The following SH3PXD2B variants were observed in gnomAD, a reference collection of about 807,000 sequenced individuals.
SH3PXD2B encodes SH3 and PX domain-containing protein 2B.
In SH3PXD2B, 37 loss-of-function variants were observed where a neutral mutation model predicts 73.1. That is an observed-to-expected ratio of 0.51 (90% CI 0.39 to 0.67). The LOEUF (loss-of-function observed/expected upper bound fraction) is 0.67. SH3PXD2B is among the 30% of genes least tolerant of loss of function. The probability of loss-of-function intolerance (pLI) is 0.00; values close to 1 mark genes in which losing one functional copy is unlikely to be tolerated. For missense variants in SH3PXD2B, 1,053 were observed against 1,197.8 expected, an observed-to-expected ratio of 0.88 and a Z score of 1.78; for synonymous variants, 457 against 480.5, an observed-to-expected ratio of 0.95 and a Z score of 0.64.
At chr5:172,433,601 G>C (rs996932641) in intron 1 of SH3PXD2B, among the ~76,000 whole-genome samples, 3 of 152,170 alleles carry the variant, frequency 2.0e-5, no homozygotes, top group Non-Finnish European at 2.9e-5. Context: ...GCCCCTGCCG[G>C]GTGCCAGCCC....
chr5:172,409,119 C>A (rs970965984), intron 2 of SH3PXD2B, among the ~76,000 whole-genome samples: 1 of 152,160 alleles, frequency 6.6e-6, no homozygotes, highest in Non-Finnish European at 1.5e-5. Flanking sequence ...CGGTGGCTCA[C>A]ACCTGTAACC....
At chr5:172,341,103 C>A (rs539689118) in intron 12 of SH3PXD2B, among the ~76,000 whole-genome samples, 9 of 152,258 alleles carry the variant, frequency 5.9e-5, no homozygotes, top group South Asian at 2.1e-4. Context: ...TTGTCCAGCA[C>A]TGCGTGGCTG....
At chr5:172,367,696 G>A (rs997783093) in intron 6 of SH3PXD2B, among the ~76,000 whole-genome samples, 7 of 152,182 alleles carry the variant, frequency 4.6e-5, no homozygotes, top group Admixed American at 6.6e-5. Context: ...GTCATGTAAC[G>A]AAGCCCCAGA....
At chr5:172,429,062 G>A (rs116724924) in intron 1 of SH3PXD2B, among the ~76,000 whole-genome samples, 3,911 of 152,292 alleles carry the variant, frequency 0.026, 74 homozygotes, top group African/African-American at 0.053. Flanking sequence ...AGTTTCACGC[G>A]AGCAAGGACC....
intron 1 of SH3PXD2B, 129 bp downstream of exon 1, chr5:172,454,149 G>A: frequency 4.8e-6 from 3 of 618,678 alleles, no homozygotes; most frequent in Non-Finnish European, 7.6e-6. Flanking sequence ...CGCCGCCGCA[G>A]AGCCGAGGGG....
intron 12 of SH3PXD2B, among the ~76,000 whole-genome samples, chr5:172,343,936 CCT>C (rs1374868460): frequency 3.9e-5 from 6 of 151,930 alleles, no homozygotes; most frequent in East Asian, 1.9e-4. Context: ...ACCTAACCCC[CCT>C]GAGTCTCATC....
In SH3PXD2B at chr5:172,336,536, G is replaced by A. The variant is rs1320480411; in HGVS notation, c.*1833C>T. The A allele has an allele frequency of 3.0e-6, 3 of 985,922 alleles. No homozygotes were observed. The highest frequency in any genetic ancestry group is 1.2e-6 in the Non-Finnish European group (1 of 830,046). The allele number at this position is 985,922 out of a possible 1,614,324, so 61.1% of individuals were successfully genotyped here. On this transcript the variant is annotated 3_prime_UTR_variant, in exon 13 of 13. Transcript: ENST00000311601. ...GAAGCAGCCAGCACCCACGTGATAG[G>A]GGGTGGAGCTGGGAGGCGCGGCAGA...
intron 9 of SH3PXD2B, among the ~76,000 whole-genome samples, chr5:172,350,924 C>G (rs1757148033): frequency 6.6e-6 from 1 of 152,222 alleles, no homozygotes; most frequent in Non-Finnish European, 1.5e-5. Context: ...CAAAGCCTGG[C>G]ATAGACAGAT....
chr5:172,439,692 G>GCGCGCACACACA (rs1554087696), intron 1 of SH3PXD2B, among the ~76,000 whole-genome samples: 3 of 138,542 alleles, frequency 2.2e-5, no homozygotes, highest in African/African-American at 8.4e-5. Context: ...GCACGCGCGC[G>GCGCGCACACACA]CACACACACA....
At chr5:172,429,586 T>TA (rs1759184034) in intron 1 of SH3PXD2B, among the ~76,000 whole-genome samples, 1 of 151,404 alleles carries the variant, frequency 6.6e-6, no homozygotes, top group Non-Finnish European at 1.5e-5. Context: ...TCACTTCCTC[T>TA]AAGTCAGCGA....
Position 172,346,217 on chromosome 5 carries a change from C to T in SH3PXD2B, c.1107G>A (p.Val369=). 6.2e-7 allele frequency: 1 copy of T among 1,614,114 alleles called. No homozygotes were observed. Among genetic ancestry groups the T allele is most frequent in the South Asian group, 1.1e-5 (1 of 91,082 alleles). The part of the protein sequence containing the change: ...NLPKPPIPPQ[V]EEEYYTIAEF... ...CGGCGATGGTGTAATACTCTTCCTC[C>T]ACTTGGGGCGGGATGGGCGGCTTCG... The change falls in exon 12 of 13, where the codon GTG becomes GTA. Residue 369 remains valine, a synonymous_variant. Coordinates refer to ENST00000311601, the MANE Select transcript of SH3PXD2B (RefSeq NM_001017995.3).
intron 6 of SH3PXD2B, among the ~76,000 whole-genome samples, chr5:172,367,262 T>C (rs575628112): frequency 2.0e-5 from 3 of 150,384 alleles, no homozygotes; most frequent in Non-Finnish European, 4.4e-5. Context: ...ATATAGCAGC[T>C]AGAGTGATCC....
chr5:172,435,138 A>G (rs1034951077), intron 1 of SH3PXD2B, among the ~76,000 whole-genome samples: 2 of 152,222 alleles, frequency 1.3e-5, no homozygotes, highest in Non-Finnish European at 2.9e-5. Flanking sequence ...GACACTAGCC[A>G]GGAAGAACTT....
At position 172,429,007 on chromosome 5, in the gene SH3PXD2B, G is replaced by C. The variant is rs375785079; in HGVS notation, c.76-6511C>G. Among the ~76,000 whole-genome samples, 11 of 152,316 alleles carry C rather than the reference G, an allele frequency of 7.2e-5. No individual in the cohort carries two copies. The East Asian group carries it at 1.7e-3, about 24-fold the overall frequency. ...CTTTCCCATCACAAAGCCAATGAAC[G>C]CTTTACTGAAATTGCTCAAGTGTCT... On this transcript the variant is annotated intron_variant, in intron 1 of 12. Coordinates refer to ENST00000311601, the MANE Select transcript of SH3PXD2B (RefSeq NM_001017995.3).
intron 2 of SH3PXD2B, among the ~76,000 whole-genome samples, chr5:172,408,487 T>A (rs1445752330): frequency 2.6e-5 from 4 of 151,846 alleles, no homozygotes; most frequent in African/African-American, 4.8e-5. Context: ...AGGCTGTCAA[T>A]TTCTTATCTT....
At chr5:172,388,313 T>C (rs1310042547) in intron 4 of SH3PXD2B, among the ~76,000 whole-genome samples, 1 of 152,206 alleles carries the variant, frequency 6.6e-6, no homozygotes, top group Non-Finnish European at 1.5e-5. Context: ...ATAGATCAAA[T>C]TGGCTTCAGT....
At chr5:172,348,935 ACTC>A (rs1757090948) in intron 10 of SH3PXD2B, among the ~76,000 whole-genome samples, 1 of 151,436 alleles carries the variant, frequency 6.6e-6, no homozygotes, top group Non-Finnish European at 1.5e-5. Flanking sequence ...CTGGTCTCAA[ACTC>A]CTGGCCTCAA....
intron 1 of SH3PXD2B, among the ~76,000 whole-genome samples, chr5:172,424,810 C>T (rs1229547463): frequency 6.6e-6 from 1 of 152,180 alleles, no homozygotes; most frequent in Non-Finnish European, 1.5e-5. Context: ...ATCAAGCATA[C>T]AGAGTTGTGA....
In SH3PXD2B at chr5:172,415,675, C is replaced by T. The variant is rs1326778402; in HGVS notation, c.156+6741G>A. Among the ~76,000 whole-genome samples, 3 of 152,330 alleles carry T rather than the reference C, an allele frequency of 2.0e-5. No homozygotes were observed. In the East Asian group the frequency reaches 5.8e-4, roughly 29 times the overall value. ...TTGTTACTATGTGGCTCAACCCAGC[C>T]ACATTTCTGCTAGGCACTACCCTCA... On this transcript the variant is annotated intron_variant, in intron 2 of 12. Coordinates refer to ENST00000311601, the MANE Select transcript of SH3PXD2B (RefSeq NM_001017995.3).
Sources: gnomAD v4.1 joint callset for allele counts (sites outside exome capture counted in the v4.1 genomes callset) on GRCh38, gnomAD v4.1.1 for gene constraint, MANE v1.5 for transcripts, NCBI Gene and HGNC (gene_info 2026-07-23, HGNC 2026-07-21) for gene names.